SNX30: variants seen among roughly 807,000 people sequenced by gnomAD.
SNX30 encodes the protein sorting nexin family member 30, also known as sorting nexin-30.
In SNX30, 24 loss-of-function variants were observed where a neutral mutation model predicts 46.4. That is an observed-to-expected ratio of 0.52 (90% CI 0.37 to 0.73). SNX30 has a LOEUF of 0.73. Ranked by LOEUF, SNX30 falls within the 30% of genes least tolerant of loss-of-function variation. SNX30 has a pLI of 0.00. For missense variants in SNX30, 533 were observed against 555.7 expected (o/e 0.96, Z 0.41); for synonymous variants, 189 against 211.5 (o/e 0.89, Z 0.92).
intron 7 of SNX30, among the ~76,000 whole-genome samples, chr9:112,861,120 G>A (rs780526873): frequency 1.7e-4 from 26 of 152,180 alleles, no homozygotes; most frequent in African/African-American, 5.8e-4. Flanking sequence ...AATGGTGCTC[G>A]TGCTGTGTAC....
At chr9:112,817,401 CTTTTTTTTTTTTTTTTT>C (rs56856142) in intron 2 of SNX30, among the ~76,000 whole-genome samples, 7 of 46,838 alleles carry the variant, frequency 1.5e-4, no homozygotes, top group Middle Eastern at 0.045. Context: ...AAAAAACTGG[CTTTTTTTTTTTTTTTTT>C]TTTTTTTTTT....
At chr9:112,756,294 C>T (rs1382689893) in intron 1 of SNX30, among the ~76,000 whole-genome samples, 1 of 152,158 alleles carries the variant, frequency 6.6e-6, no homozygotes, top group African/African-American at 2.4e-5. Context: ...CACCTTCTCA[C>T]TCTCATTCAT....
chr9:112,865,654 TA>T (rs1841318589), intron 8 of SNX30, among the ~76,000 whole-genome samples: 1 of 131,704 alleles, frequency 7.6e-6, no homozygotes, highest in South Asian at 2.4e-4. Flanking sequence ...TATATATATA[TA>T]TATATATGTA....
At chr9:112,776,427 C>G (rs192892407) in intron 1 of SNX30, among the ~76,000 whole-genome samples, 2 of 152,288 alleles carry the variant, frequency 1.3e-5, no homozygotes, top group East Asian at 1.9e-4. Flanking sequence ...TTTGGACCTC[C>G]TCTGACTGTG....
intron 3 of SNX30, among the ~76,000 whole-genome samples, chr9:112,819,269 T>TC (rs1032651957): frequency 2.6e-4 from 37 of 143,692 alleles, no homozygotes; most frequent in South Asian, 4.5e-4. Context: ...TTTCTTTCTT[T>TC]TTTTTTTTTT....
downstream of SNX30, among the ~76,000 whole-genome samples, chr9:112,882,325 TC>T (rs1197287138): frequency 6.6e-6 from 1 of 152,182 alleles, no homozygotes; most frequent in Admixed American, 6.5e-5. Flanking sequence ...CAGGCTGGTC[TC>T]AAGCTTCTAA....
chr9:112,753,122 G>C (rs1353942993), intron 1 of SNX30, among the ~76,000 whole-genome samples: 1 of 152,210 alleles, frequency 6.6e-6, no homozygotes, highest in Admixed American at 6.5e-5. Flanking sequence ...TGTATACCAA[G>C]AGGTGGGGAT....
Position 112,865,730 on chromosome 9 carries a change from T to C in SNX30, c.1254+1331T>C, listed in dbSNP as rs546500896. 1.1e-4 allele frequency among the ~76,000 whole-genome samples: 16 copies of C among 142,344 alleles called. No individual in the cohort carries two copies. In the South Asian group the frequency reaches 2.7e-3, roughly 24 times the overall value. 93.4% of individuals were successfully genotyped at this position (142,344 alleles called of 152,430 possible). On this transcript the variant is annotated intron_variant, in intron 8 of 8. Transcript: ENST00000374232. Reference sequence around the variant, plus strand: ...ATATACACACATATACATACATACATACACACATGAGTGAGTGTGTGTGTG... The same window carrying C: ...ATATACACACATATACATACATACACACACACATGAGTGAGTGTGTGTGTG...
intron 3 of SNX30, among the ~76,000 whole-genome samples, chr9:112,824,843 C>A (rs761156764): frequency 2.0e-5 from 3 of 152,170 alleles, no homozygotes; most frequent in Non-Finnish European, 4.4e-5. Context: ...TTTAACCATT[C>A]TGAAGTGTCC....
At chr9:112,804,331 A>C (rs1840189271) in intron 1 of SNX30, among the ~76,000 whole-genome samples, 1 of 152,068 alleles carries the variant, frequency 6.6e-6, no homozygotes, top group Non-Finnish European at 1.5e-5. Flanking sequence ...TGTCCAGCTA[A>C]TTTTTGTATA....
intron 8 of SNX30, among the ~76,000 whole-genome samples, chr9:112,867,653 ACTC>A (rs1841383478): frequency 7.0e-6 from 1 of 143,486 alleles, no homozygotes; most frequent in South Asian, 2.2e-4. Flanking sequence ...CCTCCTCAGA[ACTC>A]CTTTCACCTT....
chr9:112,795,397 GT>G (rs1433463984), intron 1 of SNX30, among the ~76,000 whole-genome samples: 1 of 152,192 alleles, frequency 6.6e-6, no homozygotes, highest in African/African-American at 2.4e-5. Flanking sequence ...GTTAGCCTCA[GT>G]TGCTTGTCCT....
chr9:112,811,262 T>A (rs1047330191), intron 2 of SNX30, among the ~76,000 whole-genome samples: 1 of 152,082 alleles, frequency 6.6e-6, no homozygotes, highest in Non-Finnish European at 1.5e-5. Flanking sequence ...AGGGAAGAGA[T>A]CCCTTTGTTG....
At chr9:112,798,107 GTTTT>G (rs58014041) in intron 1 of SNX30, among the ~76,000 whole-genome samples, 3 of 81,098 alleles carry the variant, frequency 3.7e-5, no homozygotes, top group African/African-American at 1.4e-4. Flanking sequence ...GTTGAGGTTT[GTTTT>G]TTTTTTTTTC....
At chr9:112,868,515 C>T (rs1438364734) in intron 8 of SNX30, among the ~76,000 whole-genome samples, 2 of 152,180 alleles carry the variant, frequency 1.3e-5, no homozygotes, top group Admixed American at 6.5e-5. Flanking sequence ...AATCCATTTC[C>T]ATTCACTGGA....
rs1397244147 is a variant in SNX30 at position 112,872,111 on chromosome 9, T to G, written c.*3268T>G. On this transcript the variant is annotated 3_prime_UTR_variant, in exon 9 of 9. Coordinates refer to ENST00000374232, the MANE Select transcript of SNX30 (RefSeq NM_001012994.2). ...GCTAAGTCTGTTTTCATGCCAGATT[T>G]CAGCCCCACCCAGAGTGTGCTCTAG... is the stretch of plus-strand genomic sequence containing the variant. The G allele has an allele frequency of 6.6e-6, 1 of 152,220 alleles. No homozygotes were observed. Among genetic ancestry groups the G allele is most frequent in the Non-Finnish European group, 1.5e-5 (1 of 68,030 alleles). The allele number at this position is 152,220 out of a possible 1,614,324, so 9.4% of individuals were successfully genotyped here. A position where few individuals can be genotyped will look rare whatever the true frequency, so the allele number is the denominator to read the frequency against.
chr9:112,780,196 AACATGT>A (rs1839824178), intron 1 of SNX30, among the ~76,000 whole-genome samples: 1 of 152,140 alleles, frequency 6.6e-6, no homozygotes, highest in Admixed American at 6.5e-5. Flanking sequence ...TTTCTGTTTA[AACATGT>A]ACATGTATGT....
intron 1 of SNX30, among the ~76,000 whole-genome samples, chr9:112,762,794 G>A (rs907315159): frequency 9.8e-5 from 15 of 152,356 alleles, no homozygotes; most frequent in African/African-American, 3.6e-4. Context: ...GCAATCAGCA[G>A]AGGCGACGTT....
Position 112,850,358 on chromosome 9 carries a change from T to C in SNX30, c.1015-501T>C, listed in dbSNP as rs182039653. ...TGCTCTTTCTATACCTGGACCAGAG[T>C]AGAGGACTAGTAAGTGGCTAATGAA... On this transcript the variant is annotated intron_variant, in intron 6 of 8. Transcript: ENST00000374232. Among the ~76,000 whole-genome samples the C allele has an allele frequency of 1.1e-4, 17 of 152,278 alleles. No individual in the cohort carries two copies. The East Asian group carries it at 3.3e-3, about 29-fold the overall frequency.
Sources: allele counts gnomAD v4.1 joint callset (sites outside exome capture counted in the v4.1 genomes callset), GRCh38; gene constraint gnomAD v4.1.1; transcripts MANE v1.5; gene names NCBI Gene and HGNC (gene_info 2026-07-23, HGNC 2026-07-21).